The following DLGAP4 variants were observed in gnomAD, a reference collection of about 807,000 sequenced individuals.
DLGAP4 encodes DLG associated protein 4.
In DLGAP4, 18 loss-of-function variants were observed where a neutral mutation model predicts 86.9. The ratio of observed to expected loss-of-function variants is 0.21; its 90% CI spans 0.14 to 0.31. The LOEUF (loss-of-function observed/expected upper bound fraction) is 0.31. DLGAP4 is among the 10% of genes least tolerant of loss of function. The pLI is 1.00. For missense variants in DLGAP4, 1,085 were observed against 1,362.6 expected (o/e 0.80, Z 3.21); for synonymous variants, 548 against 574.3 (o/e 0.95, Z 0.65).
chr20:36,404,767 A>G (rs2147489852), intron 2 of DLGAP4, among the ~76,000 whole-genome samples: 1 of 152,270 alleles, frequency 6.6e-6, no homozygotes, highest in Middle Eastern at 3.4e-3. Flanking sequence ...GAATGAATGA[A>G]TGAATGAATG....
chr20:36,439,647 G>A (rs574936808), intron 4 of DLGAP4, 107 bp from the exon 5 acceptor site: 16 of 898,024 alleles, frequency 1.8e-5, no homozygotes, highest in South Asian at 8.7e-5. Flanking sequence ...CGGCTGCAGC[G>A]GGCATCACAG....
At position 36,500,347 on chromosome 20, in the gene DLGAP4, C is replaced by T. The variant is rs1372845671; in HGVS notation, c.2248C>T (p.Arg750Trp). The T allele has an allele frequency of 9.3e-6, 15 of 1,613,286 alleles. No individual in the cohort carries two copies. Among genetic ancestry groups the T allele is most frequent in the African/African-American group, 6.7e-5 (5 of 74,932 alleles). The change falls in exon 10 of 13, where the codon CGG becomes TGG. Residue 750 changes from arginine to tryptophan, a missense_variant. By Grantham distance (101) the Arg-to-Trp change is moderately radical (BLOSUM62 -3). Coordinates refer to ENST00000339266, the MANE Select transcript of DLGAP4 (RefSeq NM_001365621.2). The surrounding 1 kb of genome is among the most constrained non-coding windows in gnomAD (Gnocchi z 4.6). ...PNSISIDAGPRQAPKIAQIKR... is the reference protein window; with the variant it reads ...PNSISIDAGPWQAPKIAQIKR... ...CTCCATCAGCATCGATGCCGGTCCC[C>T]GGCAGGCCCCCAAGATTGCCCAGAT...
intron 7 of DLGAP4, among the ~76,000 whole-genome samples, chr20:36,484,035 C>T (rs1158288319): frequency 6.6e-6 from 1 of 152,254 alleles, no homozygotes; most frequent in Non-Finnish European, 1.5e-5. Flanking sequence ...GGCTAAAGAG[C>T]AGCTAAATGC....
intron 2 of DLGAP4, among the ~76,000 whole-genome samples, chr20:36,386,574 C>G (rs2031606695): frequency 6.6e-6 from 1 of 151,998 alleles, no homozygotes; most frequent in Non-Finnish European, 1.5e-5. Flanking sequence ...GTTGTTTGAA[C>G]AGTTTTCTTT....
In DLGAP4 at chr20:36,432,230, G is replaced by A. The variant is rs757843967; in HGVS notation, c.513G>A (p.Lys171=). 1.4e-5 allele frequency: 22 copies of A among 1,613,852 alleles called. No individual in the cohort carries two copies. The highest frequency in any genetic ancestry group is 1.8e-5 in the Non-Finnish European group (21 of 1,179,986). The change falls in exon 3 of 13, where the codon AAG becomes AAA. Residue 171 remains lysine (K), a synonymous_variant. Transcript: ENST00000339266. This position sits in a 1 kb window ranked among gnomAD's most constrained non-coding sequence, Gnocchi z 6.5. ...AGGTCGGTGGCAATGGCAGCAAGAA[G>A]GGTGGCATGGAGGACGGCAAGGGCC... ...AGKVGGNGSK[K]GGMEDGKGRR...
rs150924813 is a variant in DLGAP4 at position 36,495,255 on chromosome 20, T to C, written c.1649-1450T>C. ...AATAGCATTTGATGTTGTCACTTTT[T>C]AGCCATTCTGATAGGTTATGTGATG... On this transcript the variant is annotated intron_variant, in intron 7 of 12. Transcript: ENST00000339266. Among the ~76,000 whole-genome samples, 12 of 152,324 alleles carry C rather than the reference T, an allele frequency of 7.9e-5. No individual in the cohort carries two copies. In the East Asian group the frequency reaches 2.3e-3, roughly 29 times the overall value.
At chr20:36,486,215 C>T (rs2035404647) in intron 7 of DLGAP4, among the ~76,000 whole-genome samples, 1 of 152,176 alleles carries the variant, frequency 6.6e-6, no homozygotes, top group Non-Finnish European at 1.5e-5. Flanking sequence ...AAGGTCCCCA[C>T]CATCAGGGAC....
In DLGAP4 at chr20:36,363,950, C is replaced by T. The variant is rs934111091; in HGVS notation, c.-303-3095C>T. 1.9e-4 allele frequency among the ~76,000 whole-genome samples: 29 copies of T among 152,050 alleles called. 1 individual carries two copies. The highest frequency in any genetic ancestry group is 1.6e-3 in the Admixed American group (24 of 15,260). ...CCGAGGGAGCTCTAGGAGCCAGTAA[C>T]GGGCAGGAGGGAAGGGTGCTGCAGG... On this transcript the variant is annotated intron_variant, in intron 1 of 12. Coordinates refer to ENST00000339266, the MANE Select transcript of DLGAP4 (RefSeq NM_001365621.2).
At chr20:36,312,362 C>T (rs918899338) in intron 1 of DLGAP4, among the ~76,000 whole-genome samples, 28 of 150,764 alleles carry the variant, frequency 1.9e-4, no homozygotes, top group African/African-American at 7.0e-4. Context: ...CACACATGCA[C>T]GCGCGAACAC....
chr20:36,472,500 C>CA (rs1217814412), intron 7 of DLGAP4, among the ~76,000 whole-genome samples: 2,912 of 76,248 alleles, frequency 0.038, 51 homozygotes, highest in Admixed American at 0.054. Flanking sequence ...AACCCTGTCT[C>CA]AAAAAAAAAA....
Position 36,496,906 on chromosome 20 carries a change from G to A in DLGAP4, c.1850G>A (p.Arg617Gln), listed in dbSNP as rs140433979. 9.3e-6 allele frequency: 15 copies of A among 1,614,056 alleles called. No homozygotes were observed. The highest frequency in any genetic ancestry group is 1.6e-4 in the Middle Eastern group (1 of 6,084). Residue 617 changes from arginine to glutamine, a missense_variant, in exon 8 of 13, where the codon CGA becomes CAA. By Grantham distance (43) the Arg-to-Gln change is conservative. Coordinates refer to ENST00000339266, the MANE Select transcript of DLGAP4 (RefSeq NM_001365621.2). ...NSSDSLDSST[R>Q]PPSVTRGGVA... ...TCGGACAGCCTGGACAGCAGTACCC[G>A]ACCGCCCAGCGTGACACGGGGTGGA... is the stretch of plus-strand genomic sequence containing the variant.
chr20:36,348,816 T>C (rs1268257372), intron 1 of DLGAP4, among the ~76,000 whole-genome samples: 3 of 150,656 alleles, frequency 2.0e-5, no homozygotes, highest in African/African-American at 7.3e-5. Flanking sequence ...AAGAGTGATA[T>C]GGGGCCAGGC....
At chr20:36,438,018 C>T (rs2033336353) in intron 4 of DLGAP4, among the ~76,000 whole-genome samples, 3 of 152,180 alleles carry the variant, frequency 2.0e-5, no homozygotes, top group African/African-American at 4.8e-5. Context: ...GTCCTCCCAC[C>T]TCAGCATCCC....
intron 2 of DLGAP4, among the ~76,000 whole-genome samples, chr20:36,376,748 A>G (rs2031170281): frequency 1.3e-5 from 2 of 152,050 alleles, no homozygotes; most frequent in Non-Finnish European, 1.5e-5. Flanking sequence ...GCTTCGTGAG[A>G]CTTAGAGCAG....
chr20:36,506,500 A>G (rs1274093575), intron 10 of DLGAP4, among the ~76,000 whole-genome samples: 1 of 152,194 alleles, frequency 6.6e-6, no homozygotes, highest in Non-Finnish European at 1.5e-5. Context: ...GGAGTCACAT[A>G]GCTCATGTCC....
chr20:36,394,244 C>A (rs1158329952), intron 2 of DLGAP4, among the ~76,000 whole-genome samples: 1 of 152,214 alleles, frequency 6.6e-6, no homozygotes. Context: ...TCACCGTTAT[C>A]CGCCCGTGTG....
intron 2 of DLGAP4, among the ~76,000 whole-genome samples, chr20:36,384,752 T>C (rs2031534448): frequency 6.6e-6 from 1 of 152,194 alleles, no homozygotes; most frequent in Non-Finnish European, 1.5e-5. Context: ...AGTCTGAGGT[T>C]TGAGCCAGAA....
chr20:36,494,144 T>C (rs1014595679), intron 7 of DLGAP4, among the ~76,000 whole-genome samples: 2 of 152,160 alleles, frequency 1.3e-5, no homozygotes, highest in African/African-American at 4.8e-5. Flanking sequence ...ATCTCTGAGT[T>C]TTCTCAAGGC....
chr20:36,396,806 A>T (rs2032015640), intron 2 of DLGAP4, among the ~76,000 whole-genome samples: 1 of 152,078 alleles, frequency 6.6e-6, no homozygotes. Flanking sequence ...ACGAACCATA[A>T]CGAGCCCTGC....
Sources: allele counts gnomAD v4.1 joint callset (sites outside exome capture counted in the v4.1 genomes callset), GRCh38; gene constraint gnomAD v4.1.1; non-coding constraint Gnocchi (gnomAD v3.1); transcripts MANE v1.5; gene names NCBI Gene and HGNC (gene_info 2026-07-23, HGNC 2026-07-21).